Variants in SSB observed in about 807,000 individuals in gnomAD.
The protein encoded by SSB is lupus La protein.
In SSB, 17 loss-of-function variants were observed where a neutral mutation model predicts 52.9. The ratio of observed to expected loss-of-function variants is 0.32; its 90% CI spans 0.22 to 0.48. SSB has a LOEUF of 0.48. Among genes scored for constraint, SSB ranks in the 20% least tolerant of loss-of-function variants. The pLI is 0.99. For synonymous variants in SSB, 111 were observed against 152.1 expected (o/e 0.73, Z 1.99); for missense variants, 314 against 463.6 (o/e 0.68, Z 2.96).
At chr2:169,804,240 CTTTTTTTTTTTTT>C (rs11447613) in intron 2 of SSB, among the ~76,000 whole-genome samples, 1 of 95,342 alleles carries the variant, frequency 1.0e-5, no homozygotes, top group Non-Finnish European at 1.9e-5. Flanking sequence ...TTTACTTTAA[CTTTTTTTTTTTTT>C]TTTTTTTTTG....
chr2:169,811,532 G>C, intron 11 of SSB, 136 bp from the exon 12 acceptor site: 2 of 1,347,674 alleles, frequency 1.5e-6, no homozygotes, highest in Non-Finnish European at 2.0e-6. Context: ...TCTGTACTAA[G>C]AGAAAAGCCT....
At chr2:169,803,230 A>G (rs527395365) in intron 2 of SSB, among the ~76,000 whole-genome samples, 33 of 149,164 alleles carry the variant, frequency 2.2e-4, no homozygotes, top group African/African-American at 7.9e-4. Flanking sequence ...ATGAGGTTGG[A>G]TTTTTTTTTT....
chr2:169,804,918 G>T (rs1277073713), intron 2 of SSB, among the ~76,000 whole-genome samples: 1 of 152,156 alleles, frequency 6.6e-6, no homozygotes, highest in Middle Eastern at 3.4e-3. Flanking sequence ...TGGGCAGATC[G>T]CTTGAGATCA....
chr2:169,806,669 G>GAGAT, intron 4 of SSB, 116 bp from the exon 5 acceptor site: 1 of 767,480 alleles, frequency 1.3e-6, no homozygotes, highest in Non-Finnish European at 2.1e-6. Flanking sequence ...AAGAGAAATA[G>GAGAT]AGATAGATAG....
chr2:169,806,830 T>A lies in SSB; in HGVS notation c.391T>A (p.Leu131Ile), dbSNP rs200789540. 2.8e-4 allele frequency: 449 copies of A among 1,613,384 alleles called. No individual in the cohort carries two copies. The highest frequency in any genetic ancestry group is 3.4e-5 in the Non-Finnish European group (40 of 1,179,804). ...DATLDDIKEW[L>I]EDKGQVLNIQ... Reference sequence around the variant, plus strand: ...AACTCTTGATGACATAAAAGAATGGTTAGAAGATAAAGGTCAAGTACTAAA... The same window carrying A: ...AACTCTTGATGACATAAAAGAATGGATAGAAGATAAAGGTCAAGTACTAAA... The change falls in exon 5 of 12, where the codon TTA (leucine) becomes ATA (isoleucine). Residue 131 changes from leucine (L) to isoleucine (I), a missense_variant. Physicochemically the swap from Leu to Ile is conservative, Grantham distance 5. Coordinates refer to ENST00000260956, the MANE Select transcript of SSB (RefSeq NM_003142.5).
rs1177202454 is a variant in SSB, at chr2:169,811,282, G to C, written c.1097G>C (p.Ser366Thr). The C allele has an allele frequency of 6.2e-7, 1 of 1,609,908 alleles. No individual in the cohort carries two copies. Among genetic ancestry groups the C allele is most frequent in the Admixed American group, 1.7e-5 (1 of 58,672 alleles). Residue 366 changes from serine (S) to threonine (T), a missense_variant, in exon 11 of 12, where the codon AGT (serine) becomes ACT (threonine). Coordinates refer to ENST00000260956, the MANE Select transcript of SSB (RefSeq NM_003142.5). ...QFQGKKTKFASDDEHDEHDEN... is the reference protein window; with the variant it reads ...QFQGKKTKFATDDEHDEHDEN... ...CAGGGCAAGAAAACGAAATTTGCTA[G>C]TGATGATGAACATGATGAACATGAT...
In SSB at chr2:169,811,967, T is replaced by C; in HGVS notation, c.*211T>C. The C allele has an allele frequency of 7.9e-7, 1 of 1,267,270 alleles. No individual in the cohort carries two copies. The highest frequency in any genetic ancestry group is 1.1e-6 in the Non-Finnish European group (1 of 903,860). The allele number at this position is 1,267,270 out of a possible 1,614,324, so 78.5% of individuals were successfully genotyped here. ...TGTGTTATTTCAGATGATTCAAATA[T>C]CAAAAGGAAGATTCTTCCATTAAAT... On this transcript the variant is annotated 3_prime_UTR_variant, in exon 12 of 12. Coordinates refer to ENST00000260956, the MANE Select transcript of SSB (RefSeq NM_003142.5).
intron 2 of SSB, among the ~76,000 whole-genome samples, chr2:169,804,240 C>CTTTTTTTTT (rs11447613): frequency 3.1e-5 from 3 of 95,342 alleles, no homozygotes; most frequent in Non-Finnish European, 3.8e-5. Context: ...TTTACTTTAA[C>CTTTTTTTTT]TTTTTTTTTT....
At chr2:169,802,001 A>T (rs965904623) in intron 2 of SSB, among the ~76,000 whole-genome samples, 1 of 152,118 alleles carries the variant, frequency 6.6e-6, no homozygotes, top group African/African-American at 2.4e-5. Flanking sequence ...GGGCAACATG[A>T]TGAGGCCCCA....
Position 169,807,703 on chromosome 2 carries a change from G to A in SSB, c.554+632G>A, listed in dbSNP as rs563367611. Among the ~76,000 whole-genome samples, 569 of 129,304 alleles carry A rather than the reference G, an allele frequency of 4.4e-3. 1 individual carries two copies. Among genetic ancestry groups the A allele is most frequent in the Non-Finnish European group, 7.6e-3 (445 of 58,744 alleles). 84.8% of individuals were successfully genotyped at this position (129,304 alleles called of 152,430 possible). On this transcript the variant is annotated intron_variant, in intron 6 of 11. Coordinates refer to ENST00000260956, the MANE Select transcript of SSB (RefSeq NM_003142.5). Reference sequence around the variant, plus strand: ...TTGTGTGTTTGGAAAATATATCAATGCAGTTTTCATCTTATTTTTCATAGC... The same window carrying A: ...TTGTGTGTTTGGAAAATATATCAATACAGTTTTCATCTTATTTTTCATAGC...
Position 169,801,339 on chromosome 2 carries a change from G to T in SSB, c.66+313G>T, listed in dbSNP as rs192274965. 1.8e-4 allele frequency among the ~76,000 whole-genome samples: 28 copies of T among 152,104 alleles called. No individual in the cohort carries two copies. The East Asian group carries it at 5.0e-3, about 27-fold the overall frequency. On this transcript the variant is annotated intron_variant, in intron 2 of 11. Coordinates refer to ENST00000260956, the MANE Select transcript of SSB (RefSeq NM_003142.5). ...ATAATAGTAGTTCCCTCCTCATAAG[G>T]TAGTTTGGAGGATTAGTGAATATAA...
At chr2:169,807,760 T>TTTA (rs1553482596) in intron 6 of SSB, among the ~76,000 whole-genome samples, 4,115 of 132,102 alleles carry the variant, frequency 0.031, 157 homozygotes, top group African/African-American at 0.047. Flanking sequence ...TTTTTTTTTT[T>TTTA]ACAGTACAAA....
intron 4 of SSB, 143 bp from the exon 5 acceptor site, chr2:169,806,642 C>A: frequency 1.6e-6 from 1 of 633,042 alleles, no homozygotes; most frequent in Non-Finnish European, 2.7e-6. Flanking sequence ...CTAAACAAGG[C>A]TGTTAAGTGA....
chr2:169,806,950 T>C, intron 5 of SSB, 21 bp from the exon 6 acceptor site: 1 of 1,611,054 alleles, frequency 6.2e-7, no homozygotes, highest in Non-Finnish European at 8.5e-7. Flanking sequence ...CTTAAAAAAA[T>C]ATTTTCCTTC....
intron 9 of SSB, 73 bp from the exon 10 acceptor site, chr2:169,810,785 T>G (rs1246816039): frequency 1.4e-6 from 2 of 1,453,540 alleles, no homozygotes; most frequent in African/African-American, 1.4e-5. Flanking sequence ...TAGAAAAAAT[T>G]ACTTTGGACA....
rs762844861 is a variant in SSB at position 169,811,053 on chromosome 2, TTC to T, written c.997+11_997+12del. 6 of 1,604,908 alleles carry T rather than the reference TTC, an allele frequency of 3.7e-6. No individual in the cohort carries two copies. The highest frequency in any genetic ancestry group is 5.1e-6 in the Non-Finnish European group (6 of 1,177,932). The stretch of plus-strand genomic sequence containing the variant: ...CAAATGGAAGTCAAAAGGTCATTTA[TTC>T]TGATTTTTCTTTAACAGTTTGGTTG... On this transcript the variant is annotated intron_variant, in intron 10 of 11. Coordinates refer to ENST00000260956, the MANE Select transcript of SSB (RefSeq NM_003142.5).
intron 9 of SSB, 128 bp downstream of exon 9, chr2:169,810,551 G>A: frequency 3.5e-6 from 3 of 847,250 alleles, no homozygotes; most frequent in Non-Finnish European, 5.5e-6. Flanking sequence ...ATTTGTTATT[G>A]CCACTAGATG....
intron 2 of SSB, among the ~76,000 whole-genome samples, chr2:169,802,583 C>T (rs965841165): frequency 1.3e-5 from 2 of 152,152 alleles, no homozygotes; most frequent in African/African-American, 4.8e-5. Context: ...GTATCTCTCC[C>T]ACAACCTGCT....
chr2:169,800,534 C>CAAAAAAAAAAAAAAAAA (rs59743225), intron 1 of SSB, among the ~76,000 whole-genome samples: 15 of 78,274 alleles, frequency 1.9e-4, no homozygotes, highest in East Asian at 7.0e-4. Flanking sequence ...GACTCCGTCT[C>CAAAAAAAAAAAAAAAAA]AAAAAAAAAA....
Sources: gnomAD v4.1 joint callset for allele counts (sites outside exome capture counted in the v4.1 genomes callset) on GRCh38, gnomAD v4.1.1 for gene constraint, MANE v1.5 for transcripts, NCBI Gene and HGNC (gene_info 2026-07-23, HGNC 2026-07-21) for gene names.